The following SGCZ variants were observed in gnomAD, a reference collection of about 807,000 sequenced individuals.
The protein encoded by SGCZ is sarcoglycan zeta, also known as zeta-sarcoglycan.
In SGCZ, 40 loss-of-function variants were observed where a neutral mutation model predicts 41.3. The ratio of observed to expected loss-of-function variants is 0.97; its 90% CI spans 0.75 to 1.26. The LOEUF (loss-of-function observed/expected upper bound fraction) is 1.26. SGCZ is among the 50% of genes most tolerant of loss of function. The pLI is 0.00. For missense variants in SGCZ, 552 were observed against 369.8 expected, an observed-to-expected ratio of 1.49 and a Z score of -4.04; for synonymous variants, 206 against 137.5, an observed-to-expected ratio of 1.50 and a Z score of -3.49.
At chr8:15,148,218 A>C (rs2117012010) in intron 1 of SGCZ, among the ~76,000 whole-genome samples, 1 of 152,364 alleles carries the variant, frequency 6.6e-6, no homozygotes, top group South Asian at 2.1e-4. Context: ...TAAGTGAAGA[A>C]AACAATTCAC....
intron 1 of SGCZ, among the ~76,000 whole-genome samples, chr8:15,162,635 T>C (rs1437290698): frequency 6.6e-6 from 1 of 152,226 alleles, no homozygotes; most frequent in East Asian, 1.9e-4. Flanking sequence ...GTGTTTCACT[T>C]TTCATAAGAG....
intron 1 of SGCZ, among the ~76,000 whole-genome samples, chr8:15,098,856 C>G (rs905001047): frequency 1.3e-5 from 2 of 152,164 alleles, no homozygotes; most frequent in Non-Finnish European, 2.9e-5. Context: ...GTCAGGAGTT[C>G]AAGACCAGCC....
chr8:15,066,834 TG>T (rs1805167478), intron 1 of SGCZ, among the ~76,000 whole-genome samples: 1 of 152,202 alleles, frequency 6.6e-6, no homozygotes. Flanking sequence ...TACATTATCA[TG>T]GAGAAGTATT....
intron 1 of SGCZ, among the ~76,000 whole-genome samples, chr8:14,592,341 T>G (rs1258074560): frequency 6.6e-6 from 1 of 152,142 alleles, no homozygotes; most frequent in African/African-American, 2.4e-5. Context: ...AATATAAATT[T>G]CAGAGCTAAA....
In SGCZ at chr8:14,702,890, T is replaced by TAAAA. The variant is rs1432085265; in HGVS notation, c.40-147965_40-147964insTTTT. Among the ~76,000 whole-genome samples, 12 of 145,032 alleles carry TAAAA rather than the reference T, an allele frequency of 8.3e-5. 1 individual carries two copies. The highest frequency in any genetic ancestry group is 2.7e-4 in the African/African-American group (10 of 36,372). Reference sequence around the variant, plus strand: ...ATAGATAGATAGATAGATAAAAAGATAGATAGACAGGCAGACAGGTAGGTA... The same window carrying TAAAA: ...ATAGATAGATAGATAGATAAAAAGATAAAAAGATAGACAGGCAGACAGGTAGGTA... On this transcript the variant is annotated intron_variant, in intron 1 of 7. Coordinates refer to ENST00000382080, the MANE Select transcript of SGCZ (RefSeq NM_139167.4).
chr8:15,144,148 C>G (rs929064577), intron 1 of SGCZ, among the ~76,000 whole-genome samples: 3 of 152,176 alleles, frequency 2.0e-5, no homozygotes, highest in African/African-American at 7.2e-5. Flanking sequence ...ACATCAGTTT[C>G]TGGCATTTTG....
chr8:14,175,002 T>G (rs927556646), intron 4 of SGCZ, among the ~76,000 whole-genome samples: 1 of 152,158 alleles, frequency 6.6e-6, no homozygotes, highest in African/African-American at 2.4e-5. Flanking sequence ...CATTTTAACT[T>G]GGATATTTTT....
chr8:14,941,616 C>T (rs1206023031), intron 1 of SGCZ, among the ~76,000 whole-genome samples: 1 of 151,858 alleles, frequency 6.6e-6, no homozygotes, highest in South Asian at 2.1e-4. Flanking sequence ...GCATTTCCTC[C>T]AATGCTGGAT....
intron 2 of SGCZ, among the ~76,000 whole-genome samples, chr8:14,437,440 G>A (rs1325990624): frequency 6.6e-6 from 1 of 152,000 alleles, no homozygotes; most frequent in East Asian, 1.9e-4. Context: ...AAACAAATGT[G>A]TCATCTATTA....
chr8:14,298,285 T>A (rs1206905941), intron 3 of SGCZ, among the ~76,000 whole-genome samples: 3 of 152,010 alleles, frequency 2.0e-5, no homozygotes, highest in African/African-American at 7.2e-5. Flanking sequence ...AATTTCCTTT[T>A]AGATTGGAAA....
At chr8:14,542,809 A>G (rs1220996739) in intron 2 of SGCZ, among the ~76,000 whole-genome samples, 5 of 152,076 alleles carry the variant, frequency 3.3e-5, no homozygotes, top group Non-Finnish European at 2.9e-5. Flanking sequence ...TTAAAAAAAA[A>G]TCTGAAACAG....
intron 3 of SGCZ, among the ~76,000 whole-genome samples, chr8:14,284,429 T>A (rs190981320): frequency 6.6e-6 from 1 of 151,508 alleles, no homozygotes; most frequent in South Asian, 2.1e-4. Context: ...CTTATTTTAG[T>A]ATAGGTTTAC....
intron 1 of SGCZ, among the ~76,000 whole-genome samples, chr8:14,691,595 T>C (rs536588307): frequency 1.8e-3 from 277 of 152,158 alleles, no homozygotes; most frequent in Non-Finnish European, 2.9e-3. Flanking sequence ...TCCTAAATAT[T>C]ACTGATATGA....
chr8:14,337,458 C>G (rs1802544781), intron 2 of SGCZ, among the ~76,000 whole-genome samples: 1 of 152,088 alleles, frequency 6.6e-6, no homozygotes, highest in Non-Finnish European at 1.5e-5. Flanking sequence ...TTTGAGTACT[C>G]TCCTGGGATA....
At chr8:15,113,292 A>G (rs896441064) in intron 1 of SGCZ, among the ~76,000 whole-genome samples, 1 of 152,092 alleles carries the variant, frequency 6.6e-6, no homozygotes, top group South Asian at 2.1e-4. Flanking sequence ...AATGAGTTCT[A>G]TGTGAAAGCC....
At chr8:14,411,112 C>T (rs1006756817) in intron 2 of SGCZ, among the ~76,000 whole-genome samples, 11 of 152,044 alleles carry the variant, frequency 7.2e-5, no homozygotes, top group South Asian at 2.1e-4. Flanking sequence ...ATCATTATGG[C>T]GCCAACCAAT....
chr8:14,320,886 A>T (rs975689328), intron 3 of SGCZ, among the ~76,000 whole-genome samples: 1 of 152,012 alleles, frequency 6.6e-6, no homozygotes, highest in African/African-American at 2.4e-5. Context: ...GTTCTGAAGA[A>T]CTACACGATG....
At chr8:14,400,042 G>C (rs952744513) in intron 2 of SGCZ, among the ~76,000 whole-genome samples, 4 of 151,720 alleles carry the variant, frequency 2.6e-5, no homozygotes, top group African/African-American at 9.7e-5. Flanking sequence ...ATAAGCCCTA[G>C]GCAATTGCTA....
At chr8:14,978,907 T>C (rs776030820) in intron 1 of SGCZ, among the ~76,000 whole-genome samples, 64 of 152,262 alleles carry the variant, frequency 4.2e-4, no homozygotes, top group Middle Eastern at 6.8e-3. Context: ...CAAGACATTC[T>C]CCCATATTAG....
Sources: gnomAD v4.1 joint callset for allele counts (sites outside exome capture counted in the v4.1 genomes callset) on GRCh38, gnomAD v4.1.1 for gene constraint, MANE v1.5 for transcripts, NCBI Gene and HGNC (gene_info 2026-07-23, HGNC 2026-07-21) for gene names.